The following STON1 variants were observed in gnomAD, a reference collection of about 807,000 sequenced individuals.
STON1 encodes the protein stonin-1.
In STON1, 79 loss-of-function variants were observed where a neutral mutation model predicts 60.9. The ratio of observed to expected loss-of-function variants is 1.30; its 90% CI spans 1.08 to 1.56. The LOEUF (loss-of-function observed/expected upper bound fraction) is 1.56, where lower values mean the gene tolerates loss of function less well. Ranked by LOEUF, STON1 falls within the 40% of genes most tolerant of loss-of-function variation. The pLI, the probability that STON1 is intolerant of heterozygous loss-of-function variation, is 0.00. For synonymous variants in STON1, 363 were observed against 306.9 expected (o/e 1.18, Z -1.91); for missense variants, 1,166 against 858.9 (o/e 1.36, Z -4.47).
At chr2:48,557,788 A>T (rs148920957) in intron 1 of STON1, among the ~76,000 whole-genome samples, 2,038 of 152,368 alleles carry the variant, frequency 0.013, 58 homozygotes, top group African/African-American at 0.046. Context: ...AAAGTTCACA[A>T]GTATTTTGCA....
Position 48,581,705 on chromosome 2 carries a change from A to G in STON1, c.1072A>G (p.Arg358Gly), listed in dbSNP as rs776688553. The change falls in exon 2 of 4, where the codon AGG becomes GGG. Residue 358 changes from arginine (R) to glycine (G), a missense_variant. Physicochemically the swap from Arg to Gly is moderately radical, Grantham distance 125. Coordinates refer to ENST00000404752, the MANE Select transcript of STON1 (RefSeq NM_006873.4). ...KIEHVSYTEK[R>G]KYHSKTEVVH... ...TGAACATGTGTCTTACACAGAAAAAAGGAAATACCATTCTAAGACAGAAGT... is the reference window on the plus strand; with the variant it reads ...TGAACATGTGTCTTACACAGAAAAAGGGAAATACCATTCTAAGACAGAAGT... 10 of 1,610,876 alleles carry G rather than the reference A, an allele frequency of 6.2e-6. No homozygotes were observed. In the East Asian group the frequency reaches 2.0e-4, roughly 32 times the overall value.
At chr2:48,575,240 C>G (rs1673416214) in intron 1 of STON1, among the ~76,000 whole-genome samples, 1 of 152,198 alleles carries the variant, frequency 6.6e-6, no homozygotes, top group East Asian at 1.9e-4. Flanking sequence ...GAATATACTG[C>G]ATTTTCTTTA....
intron 1 of STON1, among the ~76,000 whole-genome samples, chr2:48,563,238 T>A (rs1672680804): frequency 6.6e-6 from 1 of 152,198 alleles, no homozygotes; most frequent in South Asian, 2.1e-4. Flanking sequence ...GGCTTGAGTG[T>A]TGACAGTCAG....
At chr2:48,539,129 A>T (rs1230565239) in intron 1 of STON1, among the ~76,000 whole-genome samples, 4 of 151,856 alleles carry the variant, frequency 2.6e-5, no homozygotes, top group Non-Finnish European at 1.5e-5. Flanking sequence ...TGTTGACCAG[A>T]CTGGTCTGAA....
intron 1 of STON1, among the ~76,000 whole-genome samples, chr2:48,553,363 TC>T (rs1302514674): frequency 1.3e-5 from 2 of 150,010 alleles, no homozygotes; most frequent in African/African-American, 4.9e-5. Context: ...TCCCTTCCCT[TC>T]TCTTCCCTTC....
rs1482926673 is a variant in STON1 at position 48,581,191 on chromosome 2, T to G, written c.558T>G (p.Phe186Leu). ...AGGACTGTGCTTTTTCAAGTCCATT[T>G]TGGAAAGATGAAGGCAGTGATTCCC... ...FREDCAFSSP[F>L]WKDEGSDSHF... The change falls in exon 2 of 4, where the codon TTT (phenylalanine) becomes TTG (leucine). Residue 186 changes from phenylalanine to leucine, a missense_variant. Coordinates refer to ENST00000404752, the MANE Select transcript of STON1 (RefSeq NM_006873.4). 1 of 1,533,034 alleles carries G rather than the reference T, an allele frequency of 6.5e-7. No individual in the cohort carries two copies. Among genetic ancestry groups the G allele is most frequent in the East Asian group, 2.3e-5 (1 of 44,404 alleles). 95.0% of individuals were successfully genotyped at this position (1,533,034 alleles called of 1,614,324 possible).
At chr2:48,533,108 G>A (rs575374169) in intron 1 of STON1, among the ~76,000 whole-genome samples, 22 of 152,238 alleles carry the variant, frequency 1.4e-4, no homozygotes, top group African/African-American at 4.3e-4. Flanking sequence ...GATGGGCCGG[G>A]CGCGGTGGCT....
At chr2:48,576,508 T>G (rs965544081) in intron 1 of STON1, among the ~76,000 whole-genome samples, 4 of 151,686 alleles carry the variant, frequency 2.6e-5, no homozygotes, top group Admixed American at 2.0e-4. Context: ...CTTTTTTTTT[T>G]TTTTTTTAAA....
chr2:48,539,577 C>T (rs533619061), intron 1 of STON1, among the ~76,000 whole-genome samples: 1 of 152,176 alleles, frequency 6.6e-6, no homozygotes, highest in African/African-American at 2.4e-5. Flanking sequence ...TCTTGGCTCA[C>T]TGCAACCTCT....
chr2:48,597,250 G>A lies in STON1; in HGVS notation c.*1948G>A, dbSNP rs1185272621. On this transcript the variant is annotated 3_prime_UTR_variant, in exon 4 of 4. Transcript: ENST00000404752. ...GAGTAGGGCAAATCTGTGTGTGTATGTCATTAAAAAAATTCTACCATCTTT... is the reference window on the plus strand; with the variant it reads ...GAGTAGGGCAAATCTGTGTGTGTATATCATTAAAAAAATTCTACCATCTTT... 2 of 152,126 alleles carry A rather than the reference G, an allele frequency of 1.3e-5. No individual in the cohort carries two copies. Among genetic ancestry groups the A allele is most frequent in the African/African-American group, 4.8e-5 (2 of 41,424 alleles). 9.4% of individuals were successfully genotyped at this position (152,126 alleles called of 1,614,324 possible). A position where few individuals can be genotyped will look rare whatever the true frequency, so the allele number is the denominator to read the frequency against.
At chr2:48,560,327 G>T (rs898022591) in intron 1 of STON1, among the ~76,000 whole-genome samples, 1 of 152,172 alleles carries the variant, frequency 6.6e-6, no homozygotes, top group Non-Finnish European at 1.5e-5. Flanking sequence ...AGCTTCCTTT[G>T]AGAATTCAGA....
chr2:48,553,299 A>G (rs1672177408), intron 1 of STON1, among the ~76,000 whole-genome samples: 1 of 152,094 alleles, frequency 6.6e-6, no homozygotes, highest in South Asian at 2.1e-4. Context: ...CTGAAGGCTC[A>G]AGAGTTTAGA....
chr2:48,549,829 A>G (rs1672020305), intron 1 of STON1, among the ~76,000 whole-genome samples: 1 of 137,886 alleles, frequency 7.3e-6, no homozygotes, highest in Non-Finnish European at 1.6e-5. Context: ...AAAAAAAAAA[A>G]AAAAGAGAAA....
intron 2 of STON1, among the ~76,000 whole-genome samples, chr2:48,589,139 T>A (rs999891390): frequency 6.6e-6 from 1 of 152,206 alleles, no homozygotes; most frequent in Non-Finnish European, 1.5e-5. Context: ...TTCTCTTTTT[T>A]TCTTCTGCCC....
chr2:48,573,661 C>T (rs1673331566), intron 1 of STON1, among the ~76,000 whole-genome samples: 1 of 152,220 alleles, frequency 6.6e-6, no homozygotes, highest in Non-Finnish European at 1.5e-5. Context: ...GTATTCAAAT[C>T]CTGGTTTTTC....
chr2:48,558,163 C>G (rs1044160955), intron 1 of STON1, among the ~76,000 whole-genome samples: 1 of 152,206 alleles, frequency 6.6e-6, no homozygotes, highest in Non-Finnish European at 1.5e-5. Flanking sequence ...GCAGAGGCGG[C>G]AGTGAGCCAA....
At position 48,580,790 on chromosome 2, in the gene STON1, G is replaced by C; in HGVS notation, c.157G>C (p.Gly53Arg). 6.4e-7 allele frequency: 1 copy of C among 1,555,814 alleles called. No individual in the cohort carries two copies. The change falls in exon 2 of 4, where the codon GGA (glycine) becomes CGA (arginine). Residue 53 changes from glycine to arginine, a missense_variant. By Grantham distance (125) the Gly-to-Arg change is moderately radical (BLOSUM62 -2). Coordinates refer to ENST00000404752, the MANE Select transcript of STON1 (RefSeq NM_006873.4). ...NLPGLREFPS[G>R]SSSTSSTPLS... ...TCCTGGCCTCAGGGAATTTCCCAGT[G>C]GATCTTCCTCCACCAGCAGCACTCC...
intron 1 of STON1, among the ~76,000 whole-genome samples, chr2:48,561,065 G>A (rs903880782): frequency 6.6e-6 from 1 of 152,176 alleles, no homozygotes; most frequent in Admixed American, 6.5e-5. Flanking sequence ...CAGCCCTGGG[G>A]CTTTACCCAT....
At chr2:48,583,635 C>A (rs1324788096) in intron 2 of STON1, among the ~76,000 whole-genome samples, 1 of 150,812 alleles carries the variant, frequency 6.6e-6, no homozygotes, top group Non-Finnish European at 1.5e-5. Flanking sequence ...TTTTTTCCCC[C>A]CTAGCAGAGC....
Sources: allele counts gnomAD v4.1 joint callset (sites outside exome capture counted in the v4.1 genomes callset), GRCh38; gene constraint gnomAD v4.1.1; transcripts MANE v1.5; gene names NCBI Gene and HGNC (gene_info 2026-07-23, HGNC 2026-07-21).